Variants in ALK observed in about 807,000 individuals in gnomAD.
The protein encoded by ALK is ALK tyrosine kinase receptor.
Under a neutral mutation model 163.1 loss-of-function variants are expected in ALK, and 74 were observed. The observed-to-expected ratio is 0.45, with a 90% CI of 0.38 to 0.55. ALK has a LOEUF of 0.55. Ranked by LOEUF, ALK falls within the 20% of genes least tolerant of loss-of-function variation. ALK has a pLI of 0.00. For missense variants in ALK, 2,063 were observed against 2,105.3 expected, an observed-to-expected ratio of 0.98 and a Z score of 0.39; for synonymous variants, 960 against 843.2, an observed-to-expected ratio of 1.14 and a Z score of -2.40.
chr2:29,351,606 T>G (rs199549182), intron 5 of ALK, among the ~76,000 whole-genome samples: 1 of 152,146 alleles, frequency 6.6e-6, no homozygotes, highest in Non-Finnish European at 1.5e-5. Context: ...CCTTAAGAGA[T>G]AGACTGGAGC....
At chr2:29,542,894 T>C (rs1673450726) in intron 3 of ALK, among the ~76,000 whole-genome samples, 1 of 152,222 alleles carries the variant, frequency 6.6e-6, no homozygotes, top group Non-Finnish European at 1.5e-5. Context: ...TTATTATTTC[T>C]CTGATAATTT....
At chr2:29,361,606 A>G (rs1279651705) in intron 5 of ALK, among the ~76,000 whole-genome samples, 1 of 152,160 alleles carries the variant, frequency 6.6e-6, no homozygotes, top group African/African-American at 2.4e-5. Context: ...AAGTCACTTA[A>G]TCTCTCTGGT....
At chr2:29,207,626 G>A (rs1669346826) in intron 25 of ALK, among the ~76,000 whole-genome samples, 1 of 152,180 alleles carries the variant, frequency 6.6e-6, no homozygotes, top group Non-Finnish European at 1.5e-5. Flanking sequence ...TGTTTCTGAT[G>A]ATCTGCAGTA....
chr2:29,787,647 G>T (rs1276376297), intron 1 of ALK, among the ~76,000 whole-genome samples: 1 of 152,192 alleles, frequency 6.6e-6, no homozygotes, highest in African/African-American at 2.4e-5. Context: ...GAGTTAGCCA[G>T]GAAGAGAATG....
At position 29,538,254 on chromosome 2, in the gene ALK, T is replaced by G. The variant is rs2148163668; in HGVS notation, c.953-6138A>C. Among the ~76,000 whole-genome samples the G allele has an allele frequency of 1.3e-5, 2 of 152,280 alleles. 1 individual carries two copies. The highest frequency in any genetic ancestry group is 4.8e-5 in the African/African-American group (2 of 41,548). On this transcript the variant is annotated intron_variant, in intron 3 of 28. Transcript: ENST00000389048. Reference sequence around the variant, plus strand: ...TGTCCCTCCAAATCTCACGTTGAAATGTGATTCCCAATGTTGGAGGTGGAG... The same window carrying G: ...TGTCCCTCCAAATCTCACGTTGAAAGGTGATTCCCAATGTTGGAGGTGGAG...
At chr2:29,333,661 G>A (rs991484818) in intron 5 of ALK, among the ~76,000 whole-genome samples, 1 of 152,136 alleles carries the variant, frequency 6.6e-6, no homozygotes, top group African/African-American at 2.4e-5. Context: ...TGTCACCTAG[G>A]TTGGAGCGTC....
chr2:29,517,926 C>G (rs1278733933), intron 4 of ALK, among the ~76,000 whole-genome samples: 1 of 152,214 alleles, frequency 6.6e-6, no homozygotes, highest in Non-Finnish European at 1.5e-5. Context: ...CTTCACCTGT[C>G]TTTACTTCAC....
At chr2:29,793,218 C>T (rs1441729138) in intron 1 of ALK, among the ~76,000 whole-genome samples, 1 of 152,194 alleles carries the variant, frequency 6.6e-6, no homozygotes, top group African/African-American at 2.4e-5. Flanking sequence ...AGCAACATCT[C>T]ATCCGTTCAA....
At chr2:29,728,485 C>G (rs956660683) in intron 1 of ALK, among the ~76,000 whole-genome samples, 2 of 152,224 alleles carry the variant, frequency 1.3e-5, no homozygotes, top group Non-Finnish European at 2.9e-5. Flanking sequence ...AGGCAGCAGA[C>G]AGCCATCCAA....
rs147033307 is a variant in ALK, at chr2:29,318,317, C to T, written c.1634G>A (p.Ser545Asn). Residue 545 changes from serine (S) to asparagine (N), a missense_variant, in exon 8 of 29, where the codon AGC (serine) becomes AAC (asparagine). Physicochemically the swap from Ser to Asn is conservative, Grantham distance 46. This residue lies in a region of ALK where 987 missense variants were observed against 939.5 expected (regional missense o/e 1.05). Coordinates refer to ENST00000389048, the MANE Select transcript of ALK (RefSeq NM_004304.5). ...TSATFPAPIKSSPCELRMSWL... is the reference protein window; with the variant it reads ...TSATFPAPIKNSPCELRMSWL... ...AAGGAGACTTGCCTCACATGGAGAG[C>T]TCTTGATCGGTGCAGGAAACGTAGC... 7.4e-6 allele frequency: 12 copies of T among 1,613,138 alleles called. No homozygotes were observed. The highest frequency in any genetic ancestry group is 1.0e-5 in the Non-Finnish European group (12 of 1,179,240).
chr2:29,518,774 A>C (rs1672738138), intron 4 of ALK, among the ~76,000 whole-genome samples: 1 of 152,222 alleles, frequency 6.6e-6, no homozygotes, highest in South Asian at 2.1e-4. Flanking sequence ...GGGAAGACAG[A>C]CTGCCTTGTT....
At chr2:29,803,827 T>C (rs1280394459) in intron 1 of ALK, among the ~76,000 whole-genome samples, 1 of 152,304 alleles carries the variant, frequency 6.6e-6, no homozygotes, top group East Asian at 1.9e-4. Context: ...TCATGCCTCA[T>C]AAAAGACGCT....
intron 11 of ALK, among the ~76,000 whole-genome samples, chr2:29,257,463 GTACAT>G (rs1164222052): frequency 3.8e-4 from 58 of 151,954 alleles, no homozygotes; most frequent in African/African-American, 1.4e-3. Flanking sequence ...GTAATAAACA[GTACAT>G]CGCTAAAAAA....
intron 4 of ALK, among the ~76,000 whole-genome samples, chr2:29,531,285 T>A (rs912031474): frequency 6.6e-6 from 1 of 152,208 alleles, no homozygotes; most frequent in African/African-American, 2.4e-5. Flanking sequence ...GGCACAGAAG[T>A]GCCCTAGTTT....
chr2:29,729,549 G>A (rs1055082229), intron 1 of ALK, among the ~76,000 whole-genome samples: 4 of 152,120 alleles, frequency 2.6e-5, no homozygotes, highest in Non-Finnish European at 5.9e-5. Flanking sequence ...TGAAAGTCAC[G>A]CTGCCACCAT....
intron 1 of ALK, among the ~76,000 whole-genome samples, chr2:29,807,455 G>C (rs1357986144): frequency 2.6e-5 from 4 of 152,210 alleles, no homozygotes; most frequent in Admixed American, 6.5e-5. Context: ...CTGTGCTCAG[G>C]GGCCCAACAC....
At chr2:29,616,763 C>T (rs570796361) in intron 3 of ALK, among the ~76,000 whole-genome samples, 2 of 152,200 alleles carry the variant, frequency 1.3e-5, no homozygotes, top group Non-Finnish European at 2.9e-5. Context: ...AACACTCTTT[C>T]CTGATAAGCA....
chr2:29,406,084 T>C (rs534237569), intron 4 of ALK, among the ~76,000 whole-genome samples: 25 of 152,340 alleles, frequency 1.6e-4, no homozygotes, highest in Non-Finnish European at 3.4e-4. Flanking sequence ...GTGATTGTAT[T>C]ATAAGCAAAG....
At chr2:29,454,463 T>G (rs1253223901) in intron 4 of ALK, among the ~76,000 whole-genome samples, 1 of 152,158 alleles carries the variant, frequency 6.6e-6, no homozygotes, top group South Asian at 2.1e-4. Flanking sequence ...TACTTTTTAT[T>G]TTTTTCCTAG....
Sources: gnomAD v4.1 joint callset for allele counts (sites outside exome capture counted in the v4.1 genomes callset) on GRCh38, gnomAD v4.1.1 for gene constraint, gnomAD v4.1.1 regional missense constraint, MANE v1.5 for transcripts, NCBI Gene and HGNC (gene_info 2026-07-23, HGNC 2026-07-21) for gene names.